Variants in PEX3 observed in about 807,000 individuals in gnomAD.
PEX3 encodes the protein peroxisomal biogenesis factor 3, also known as peroxin-3.
Under a neutral mutation model 55.8 loss-of-function variants are expected in PEX3, and 30 were observed. The ratio of observed to expected loss-of-function variants is 0.54; its 90% confidence interval spans 0.40 to 0.73. The LOEUF is 0.73. Ranked by LOEUF, PEX3 falls within the 30% of genes least tolerant of loss-of-function variation. The pLI is 0.00. For synonymous variants in PEX3, 135 were observed against 148.4 expected (o/e 0.91, Z 0.66); for missense variants, 351 against 432.8 (o/e 0.81, Z 1.68).
At position 143,489,444 on chromosome 6, in the gene PEX3, A is replaced by G; in HGVS notation, c.*218A>G. On this transcript the variant is annotated 3_prime_UTR_variant, in exon 12 of 12. Transcript: ENST00000367591. This position sits in a 1 kb window ranked among gnomAD's most constrained non-coding sequence, Gnocchi z 5.5. ...AGTTTTTGTGGGCATATATATATAC[A>G]CGTGCAAATATCAGAATTGTTAATA... 2.6e-6 allele frequency: 1 copy of G among 383,578 alleles called. No individual in the cohort carries two copies. The highest frequency in any genetic ancestry group is 3.1e-5 in the South Asian group (1 of 32,054). 23.8% of individuals were successfully genotyped at this position (383,578 alleles called of 1,614,324 possible).
Position 143,479,271 on chromosome 6 carries a change from C to A in PEX3, c.941+73C>A. On this transcript the variant is annotated intron_variant, in intron 10 of 11. Coordinates refer to ENST00000367591, the MANE Select transcript of PEX3 (RefSeq NM_003630.3). The surrounding 1 kb of genome is among the most constrained non-coding windows in gnomAD (Gnocchi z 4.6). ...TGGTGCTTTGCTTGTCTTTTTGTTC[C>A]AGATAACAACAACAAACCTATTAAA... The A allele has an allele frequency of 1.7e-6, 2 of 1,166,650 alleles. No individual in the cohort carries two copies. Among genetic ancestry groups the A allele is most frequent in the African/African-American group, 1.5e-5 (1 of 66,200 alleles). The allele number at this position is 1,166,650 out of a possible 1,614,324, so 72.3% of individuals were successfully genotyped here.
intron 9 of PEX3, among the ~76,000 whole-genome samples, chr6:143,478,840 T>C (rs1384274058): frequency 6.6e-6 from 1 of 152,114 alleles, no homozygotes; most frequent in African/African-American, 2.4e-5. Flanking sequence ...AAAAAATTCA[T>C]TGTACAAAGT....
At position 143,468,124 on chromosome 6, in the gene PEX3, C is replaced by A. The variant is rs1366555800; in HGVS notation, c.290C>A (p.Pro97His). 2 of 1,557,314 alleles carry A rather than the reference C, an allele frequency of 1.3e-6. No homozygotes were observed. Among genetic ancestry groups the A allele is most frequent in the South Asian group, 1.1e-5 (1 of 88,370 alleles). The change falls in exon 4 of 12, where the codon CCT (proline) becomes CAT (histidine). Residue 97 changes from proline (P) to histidine (H), a missense_variant and splice_region_variant. Pro to His is a moderately conservative substitution (Grantham distance 77, BLOSUM62 -2). Coordinates refer to ENST00000367591, the MANE Select transcript of PEX3 (RefSeq NM_003630.3). ...ESLTALLKNR[P>H]SNKLEIWEDL... ...TATTTTTAAATTTTGTTCTTTAGGCCTTCAAACAAGCTAGAAATATGGGAG... is the reference window on the plus strand; with the variant it reads ...TATTTTTAAATTTTGTTCTTTAGGCATTCAAACAAGCTAGAAATATGGGAG...
At position 143,462,116 on chromosome 6, in the gene PEX3, A is replaced by G. The variant is rs1322335727; in HGVS notation, c.206-800A>G. On this transcript the variant is annotated intron_variant, in intron 2 of 11. Transcript: ENST00000367591. This position sits in a 1 kb window ranked among gnomAD's most constrained non-coding sequence, Gnocchi z 4.1. ...CCAGCATTTCTTATTCCACATGTAG[A>G]GCCATAAATAAACTCCTAAAAATCA... 6.6e-6 allele frequency among the ~76,000 whole-genome samples: 1 copy of G among 152,154 alleles called. No homozygotes were observed. The highest frequency in any genetic ancestry group is 1.5e-5 in the Non-Finnish European group (1 of 68,028).
intron 8 of PEX3, among the ~76,000 whole-genome samples, chr6:143,474,245 CGA>C (rs1422112758): frequency 1.3e-5 from 2 of 151,922 alleles, no homozygotes; most frequent in African/African-American, 4.8e-5. Context: ...GTCAGGAGTT[CGA>C]GACCAGTCTG....
chr6:143,454,892 A>C lies in PEX3; in HGVS notation c.73+3777A>C, dbSNP rs1300252113. ...GAAGTGGCAAAAGATTAACTTGGAA[A>C]AGTAGCTAGAGTACAGATTGTGAAG... On this transcript the variant is annotated intron_variant, in intron 1 of 11. Coordinates refer to ENST00000367591, the MANE Select transcript of PEX3 (RefSeq NM_003630.3). The surrounding 1 kb of genome is among the most constrained non-coding windows in gnomAD (Gnocchi z 4.3). Among the ~76,000 whole-genome samples, 1 of 152,246 alleles carries C rather than the reference A, an allele frequency of 6.6e-6. No individual in the cohort carries two copies. The highest frequency in any genetic ancestry group is 1.5e-5 in the Non-Finnish European group (1 of 68,044).
rs1562653849 is a variant in PEX3, at chr6:143,468,808, C to CCT, written c.331+644_331+645insTC. The stretch of plus-strand genomic sequence containing the variant: ...GTATATCTCCTAATGCTATCCCCCC[C>CCT]CCCCCCACCCCACGACAGGCCCCAG... On this transcript the variant is annotated intron_variant, in intron 4 of 11. Coordinates refer to ENST00000367591, the MANE Select transcript of PEX3 (RefSeq NM_003630.3). Among the ~76,000 whole-genome samples the CCT allele has an allele frequency of 1.0e-3, 17 of 16,604 alleles. 2 individuals carry two copies. The South Asian group carries it at 0.018, about 17-fold the overall frequency. 10.9% of individuals were successfully genotyped at this position (16,604 alleles called of 152,430 possible).
intron 8 of PEX3, among the ~76,000 whole-genome samples, chr6:143,472,837 T>C (rs1780093875): frequency 6.6e-6 from 1 of 152,134 alleles, no homozygotes; most frequent in Non-Finnish European, 1.5e-5. Context: ...ATGATGAAAG[T>C]ACAAAAATGG....
chr6:143,466,891 T>C lies in PEX3; in HGVS notation c.288-1231T>C, dbSNP rs910611168. On this transcript the variant is annotated intron_variant, in intron 3 of 11. Coordinates refer to ENST00000367591, the MANE Select transcript of PEX3 (RefSeq NM_003630.3). This position sits in a 1 kb window ranked among gnomAD's most constrained non-coding sequence, Gnocchi z 5.4. ...GGGGTTAGGAACAGACTTTTTTGAA[T>C]ATACTGTATTATATAAATTTGACTT... Among the ~76,000 whole-genome samples, 1 of 151,980 alleles carries C rather than the reference T, an allele frequency of 6.6e-6. No homozygotes were observed. The highest frequency in any genetic ancestry group is 2.4e-5 in the African/African-American group (1 of 41,434).
intron 4 of PEX3, among the ~76,000 whole-genome samples, chr6:143,470,302 C>T (rs753838359): frequency 6.6e-6 from 1 of 152,136 alleles, no homozygotes; most frequent in African/African-American, 2.4e-5. Flanking sequence ...TTCTTCTCTT[C>T]ACTCCCTCAC....
rs1779799910 is a variant in PEX3 at position 143,453,308 on chromosome 6, G to T, written c.73+2193G>T. ...TTTTGACAGGCTTGAAAGCTGGGTAGTATATCAACAGGCATGCGCAGAGAA... is the reference window on the plus strand; with the variant it reads ...TTTTGACAGGCTTGAAAGCTGGGTATTATATCAACAGGCATGCGCAGAGAA... On this transcript the variant is annotated intron_variant, in intron 1 of 11. Transcript: ENST00000367591. The surrounding 1 kb of genome is among the most constrained non-coding windows in gnomAD (Gnocchi z 4.6). Among the ~76,000 whole-genome samples, 1 of 152,202 alleles carries T rather than the reference G, an allele frequency of 6.6e-6. No homozygotes were observed. The highest frequency in any genetic ancestry group is 6.5e-5 in the Admixed American group (1 of 15,276).
At chr6:143,478,781 A>G (rs1243971754) in intron 9 of PEX3, among the ~76,000 whole-genome samples, 1 of 152,100 alleles carries the variant, frequency 6.6e-6, no homozygotes, top group African/African-American at 2.4e-5. Context: ...GACTATAAGG[A>G]AATTTAAGAG....
chr6:143,485,165 A>C lies in PEX3; in HGVS notation c.955A>C (p.Ser319Arg). The change falls in exon 11 of 12, where the codon AGC becomes CGC. Residue 319 changes from serine to arginine, a missense_variant. Transcript: ENST00000367591. The surrounding 1 kb of genome is among the most constrained non-coding windows in gnomAD (Gnocchi z 5.6). ...ATGATTTTTCAGTCTTTCCAGTGTC[A>C]GCCTGCCTTTAGCTAAGATAATTCC... ...GNSMNSLSSV[S>R]LPLAKIIPIV... 1 of 1,594,496 alleles carries C rather than the reference A, an allele frequency of 6.3e-7. No individual in the cohort carries two copies. Among genetic ancestry groups the C allele is most frequent in the East Asian group, 2.2e-5 (1 of 44,730 alleles).
chr6:143,471,719 C>T lies in PEX3; in HGVS notation c.578+108C>T, dbSNP rs1780077537. The T allele has an allele frequency of 1.2e-6, 1 of 827,674 alleles. No homozygotes were observed. The highest frequency in any genetic ancestry group is 1.7e-5 in the African/African-American group (1 of 59,652). The allele number at this position is 827,674 out of a possible 1,614,324, so 51.3% of individuals were successfully genotyped here. A position where few individuals can be genotyped will look rare whatever the true frequency, so the allele number is the denominator to read the frequency against. On this transcript the variant is annotated intron_variant, in intron 7 of 11. Coordinates refer to ENST00000367591, the MANE Select transcript of PEX3 (RefSeq NM_003630.3). The surrounding 1 kb of genome is among the most constrained non-coding windows in gnomAD (Gnocchi z 5.4). ...ACTTGACAAACGGTGATTTGTGAAA[C>T]TCTTTGTAATAAAATCAGATACCAT...
rs1779964551 is a variant in PEX3 at position 143,464,404 on chromosome 6, A to C, written c.287+1407A>C. Among the ~76,000 whole-genome samples, 1 of 152,068 alleles carries C rather than the reference A, an allele frequency of 6.6e-6. No individual in the cohort carries two copies. On this transcript the variant is annotated intron_variant, in intron 3 of 11. Coordinates refer to ENST00000367591, the MANE Select transcript of PEX3 (RefSeq NM_003630.3). This position sits in a 1 kb window ranked among gnomAD's most constrained non-coding sequence, Gnocchi z 5.8. Reference sequence around the variant, plus strand: ...AAGTCTCTTTAAGACCTTTTCATCCAAAGGAGGAAGTAGACTAAATAAATT... The same window carrying C: ...AAGTCTCTTTAAGACCTTTTCATCCCAAGGAGGAAGTAGACTAAATAAATT...
chr6:143,478,526 G>A lies in PEX3; in HGVS notation c.819-550G>A, dbSNP rs143257191. 7.8e-4 allele frequency among the ~76,000 whole-genome samples: 119 copies of A among 152,036 alleles called. 1 individual carries two copies. The highest frequency in any genetic ancestry group is 2.8e-3 in the African/African-American group (117 of 41,482). On this transcript the variant is annotated intron_variant, in intron 9 of 11. Coordinates refer to ENST00000367591, the MANE Select transcript of PEX3 (RefSeq NM_003630.3). ...AGTCAAGAAATTGGAACATAACTAGGTATTTTCTAGCTTTCTTGGCATCTT... is the reference window on the plus strand; with the variant it reads ...AGTCAAGAAATTGGAACATAACTAGATATTTTCTAGCTTTCTTGGCATCTT...
intron 9 of PEX3, among the ~76,000 whole-genome samples, chr6:143,477,104 T>C (rs959030982): frequency 6.6e-6 from 1 of 152,194 alleles, no homozygotes; most frequent in African/African-American, 2.4e-5. Context: ...GAGTTGTTGA[T>C]TGATCTTGTT....
rs1780352000 is a variant in PEX3 at position 143,488,897 on chromosome 6, ATT to A, written c.1039-244_1039-243del. Among the ~76,000 whole-genome samples the A allele has an allele frequency of 6.6e-6, 1 of 152,116 alleles. No homozygotes were observed. Among genetic ancestry groups the A allele is most frequent in the Non-Finnish European group, 1.5e-5 (1 of 67,972 alleles). On this transcript the variant is annotated intron_variant, in intron 11 of 11. Transcript: ENST00000367591. The surrounding 1 kb of genome is among the most constrained non-coding windows in gnomAD (Gnocchi z 4.9). ...ATACACCAAAATTCATTTGAAGACT[ATT>A]TGGGGTTTTTGTCCCTCAAAGTCAC...
At chr6:143,457,195 T>C (rs1203782201) in intron 1 of PEX3, among the ~76,000 whole-genome samples, 2 of 152,218 alleles carry the variant, frequency 1.3e-5, no homozygotes, top group East Asian at 3.8e-4. Flanking sequence ...TACAAACAAT[T>C]CCTTCAGATC....
Sources: allele counts gnomAD v4.1 joint callset (sites outside exome capture counted in the v4.1 genomes callset), GRCh38; gene constraint gnomAD v4.1.1; non-coding constraint Gnocchi (gnomAD v3.1); transcripts MANE v1.5; gene names NCBI Gene and HGNC (gene_info 2026-07-23, HGNC 2026-07-21).